The following PLIN3 variants were observed in gnomAD, a reference collection of about 807,000 sequenced individuals.
PLIN3 encodes perilipin 3.
In PLIN3, 30 loss-of-function variants were observed where a neutral mutation model predicts 35.9. The ratio of observed to expected loss-of-function variants is 0.84; its 90% confidence interval spans 0.62 to 1.13. The LOEUF is 1.13. PLIN3 is among the 50% of genes most tolerant of loss of function. The pLI is 0.00. For missense variants in PLIN3, 603 were observed against 596.9 expected, an observed-to-expected ratio of 1.01 and a Z score of -0.11; for synonymous variants, 261 against 262.5, an observed-to-expected ratio of 0.99 and a Z score of 0.06.
rs138721016 is a variant in PLIN3, at chr19:4,847,887, C to T, written c.638G>A (p.Arg213His). The T allele has an allele frequency of 3.1e-5, 50 of 1,612,292 alleles. No individual in the cohort carries two copies. The Middle Eastern group carries it at 1.2e-3, about 37-fold the overall frequency. ...AAAGCCATCCAGGGATGTGGCGATG[C>T]GGGCTGCAAGGAAAAGGAGAAGGGT... is the stretch of plus-strand genomic sequence containing the variant. ...HLPLTDAELA[R>H]IATSLDGFDV... is the part of the protein sequence containing the mutation. Residue 213 changes from arginine (R) to histidine (H), a missense_variant, in exon 6 of 8, where the codon CGC becomes CAC. Arg to His is a conservative substitution (Grantham distance 29, BLOSUM62 0). Coordinates refer to ENST00000221957, the MANE Select transcript of PLIN3 (RefSeq NM_005817.5).
At chr19:4,844,217 A>G (rs558721590) in intron 7 of PLIN3, among the ~76,000 whole-genome samples, 1 of 151,994 alleles carries the variant, frequency 6.6e-6, no homozygotes, top group South Asian at 2.1e-4. Context: ...TAATCCCAAC[A>G]CTTTGGGAGG....
intron 5 of PLIN3, among the ~76,000 whole-genome samples, chr19:4,851,269 A>C (rs1391618151): frequency 2.0e-5 from 3 of 152,100 alleles, no homozygotes; most frequent in Non-Finnish European, 4.4e-5. Flanking sequence ...GTTCGAGACC[A>C]GCCTGGCCAA....
At chr19:4,861,483 G>A (rs1177823989) in intron 1 of PLIN3, 72 bp from the exon 2 acceptor site, 3 of 1,053,592 alleles carry the variant, frequency 2.8e-6, no homozygotes, top group Admixed American at 1.8e-5. Context: ...GGCCCACGCT[G>A]CAGCTGGAAG....
At position 4,844,722 on chromosome 19, in the gene PLIN3, G is replaced by T; in HGVS notation, c.906C>A (p.Leu302=). The change falls in exon 7 of 8, where the codon CTC becomes CTA. Residue 302 remains leucine, a synonymous_variant. Coordinates refer to ENST00000221957, the MANE Select transcript of PLIN3 (RefSeq NM_005817.5). ...EGQEKLHQMW[L]SWNQKQLQGP... ...CCTGGAGCTGCTTCTGGTTCCAGCT[G>T]AGCCACATCTGGTGCAGCTTCTCCT... 6.2e-7 allele frequency: 1 copy of T among 1,607,742 alleles called. No individual in the cohort carries two copies. Among genetic ancestry groups the T allele is most frequent in the East Asian group, 2.2e-5 (1 of 44,724 alleles).
At chr19:4,845,916 A>C (rs1245716267) in intron 6 of PLIN3, among the ~76,000 whole-genome samples, 25 of 114,420 alleles carry the variant, frequency 2.2e-4, no homozygotes, top group African/African-American at 8.4e-4. Context: ...ACAGAGCGAG[A>C]CTCCGTCTCA....
At chr19:4,841,333 G>A (rs1440266469) in intron 7 of PLIN3, among the ~76,000 whole-genome samples, 3 of 152,136 alleles carry the variant, frequency 2.0e-5, no homozygotes, top group South Asian at 2.1e-4. Flanking sequence ...CCCTAAGGAC[G>A]TCACGCTCAG....
rs377617093 is a variant in PLIN3 at position 4,860,047 on chromosome 19, G to A, written c.67-23C>T. On this transcript the variant is annotated intron_variant, in intron 2 of 7. Transcript: ENST00000221957. ...GGGCTACAGGAGAGAAGTGGCTCAG[G>A]CAAACTGGGTGGGGGAAGATGGGGA... 2.5e-5 allele frequency: 40 copies of A among 1,610,692 alleles called. No individual in the cohort carries two copies. In the African/African-American group the frequency reaches 5.3e-4, roughly 22 times the overall value.
intron 5 of PLIN3, among the ~76,000 whole-genome samples, chr19:4,849,401 A>C (rs371386903): frequency 6.6e-5 from 10 of 151,564 alleles, no homozygotes; most frequent in African/African-American, 2.4e-4. Context: ...TTGAACTCCC[A>C]GGCTCAAGTG....
intron 6 of PLIN3, 117 bp from the exon 7 acceptor site, chr19:4,844,910 AAGGG>A (rs1285456506): frequency 9.7e-6 from 12 of 1,232,656 alleles, no homozygotes; most frequent in Non-Finnish European, 1.2e-5. Flanking sequence ...AGAAAAGAGA[AAGGG>A]AGGGAGGGAG....
At chr19:4,842,599 CA>C (rs11383489) in intron 7 of PLIN3, among the ~76,000 whole-genome samples, 3,095 of 46,762 alleles carry the variant, frequency 0.066, 17 homozygotes, top group Middle Eastern at 0.1. Flanking sequence ...GACTCTATCT[CA>C]AAAAAAAAAA....
At chr19:4,854,161 G>A (rs1040954629) in intron 4 of PLIN3, among the ~76,000 whole-genome samples, 21 of 151,902 alleles carry the variant, frequency 1.4e-4, no homozygotes, top group Non-Finnish European at 2.6e-4. Flanking sequence ...TCGAACTCCT[G>A]GCCTCAAGCA....
intron 1 of PLIN3, 130 bp from the exon 2 acceptor site, chr19:4,861,541 T>C: frequency 1.6e-6 from 1 of 639,888 alleles, no homozygotes; most frequent in Admixed American, 2.5e-5. Context: ...TTTCAGTCCT[T>C]AGCAGGCACA....
chr19:4,841,919 A>T (rs570937681), intron 7 of PLIN3, among the ~76,000 whole-genome samples: 5 of 84,376 alleles, frequency 5.9e-5, no homozygotes, highest in African/African-American at 2.3e-4. Flanking sequence ...AAAAAAAAAA[A>T]AAAAAAAGAA....
intron 4 of PLIN3, among the ~76,000 whole-genome samples, chr19:4,853,820 A>G (rs2030384085): frequency 6.6e-6 from 1 of 151,922 alleles, no homozygotes; most frequent in Non-Finnish European, 1.5e-5. Flanking sequence ...CTCCAAAAAA[A>G]AACAAAAACA....
intron 6 of PLIN3, among the ~76,000 whole-genome samples, chr19:4,845,925 C>CA (rs59469893): frequency 0.022 from 1,034 of 46,400 alleles, 16 homozygotes; most frequent in South Asian, 0.068. Flanking sequence ...GACTCCGTCT[C>CA]AAAAAAAAAA....
At chr19:4,844,536 T>G (rs1599159424) in intron 7 of PLIN3, 132 bp downstream of exon 7, 1 of 922,438 alleles carries the variant, frequency 1.1e-6, no homozygotes. Flanking sequence ...CTGAAGGAGG[T>G]GTCATTAGCT....
chr19:4,846,701 G>C (rs1414847596), intron 6 of PLIN3, among the ~76,000 whole-genome samples: 1 of 151,370 alleles, frequency 6.6e-6, no homozygotes, highest in East Asian at 1.9e-4. Context: ...TCCGTTCAAA[G>C]AAAAAAAAGA....
intron 1 of PLIN3, among the ~76,000 whole-genome samples, chr19:4,866,453 C>T (rs956451226): frequency 5.3e-5 from 8 of 152,156 alleles, no homozygotes; most frequent in Non-Finnish European, 1.0e-4. Context: ...TCCCTGTGGA[C>T]TGGAGGAGAC....
At chr19:4,860,393 T>G (rs527655672) in intron 2 of PLIN3, among the ~76,000 whole-genome samples, 2 of 151,750 alleles carry the variant, frequency 1.3e-5, no homozygotes, top group Non-Finnish European at 2.9e-5. Context: ...TTAGTAGAGA[T>G]GGGGTTTCAC....
Sources: allele counts gnomAD v4.1 joint callset (sites outside exome capture counted in the v4.1 genomes callset), GRCh38; gene constraint gnomAD v4.1.1; transcripts MANE v1.5; gene names NCBI Gene and HGNC (gene_info 2026-07-23, HGNC 2026-07-21).